The following B3GALT1 variants were observed in gnomAD, a reference collection of about 807,000 sequenced individuals.
B3GALT1 encodes the protein UDP-Gal:betaGlcNAc beta 1,3-galactosyltransferase, polypeptide 1.
B3GALT1 carries 10 observed loss-of-function variants against 23.2 expected under a neutral mutation model. The ratio of observed to expected loss-of-function variants is 0.43; its 90% CI spans 0.27 to 0.73. B3GALT1 has a LOEUF of 0.73. Ranked by LOEUF, B3GALT1 falls within the 30% of genes least tolerant of loss-of-function variation. The probability of loss-of-function intolerance (pLI) is 0.21; values close to 1 mark genes in which losing one functional copy is unlikely to be tolerated. For synonymous variants in B3GALT1, 156 were observed against 141.5 expected (o/e 1.10, Z -0.73); for missense variants, 299 against 405.4 (o/e 0.74, Z 2.25).
Position 167,373,885 on chromosome 2 carries a change from G to T in B3GALT1, c.-511+80551G>T, listed in dbSNP as rs544950671. On this transcript the variant is annotated intron_variant, in intron 1 of 4. Transcript: ENST00000392690. ...TTAACTTTTTCTTATAGATTCAGGGGGTACATGTGTAGGTTTCTTACCTGG... is the reference window on the plus strand; with the variant it reads ...TTAACTTTTTCTTATAGATTCAGGGTGTACATGTGTAGGTTTCTTACCTGG... Among the ~76,000 whole-genome samples the T allele has an allele frequency of 2.4e-4, 36 of 152,130 alleles. No individual in the cohort carries two copies. In the South Asian group the frequency reaches 2.7e-3, roughly 11 times the overall value.
rs567260076 is a variant in B3GALT1, at chr2:167,643,208, T to C, written c.-409-3701T>C. ...TATACATTAAATCTGTGTTTGAGTT[T>C]ACCTACATTAAGAATGAGACATTCA... On this transcript the variant is annotated intron_variant, in intron 2 of 4. Transcript: ENST00000392690. Among the ~76,000 whole-genome samples the C allele has an allele frequency of 4.6e-5, 7 of 152,344 alleles. No individual in the cohort carries two copies. In the South Asian group the frequency reaches 1.5e-3, roughly 32 times the overall value.
At chr2:167,817,970 G>A (rs836718) in intron 3 of B3GALT1, among the ~76,000 whole-genome samples, 40,409 of 151,964 alleles carry the variant, frequency 0.27, 5,848 homozygotes, top group East Asian at 0.56. Flanking sequence ...GGGAAGGTGC[G>A]CATGCCTAAA....
intron 3 of B3GALT1, among the ~76,000 whole-genome samples, chr2:167,806,102 A>G (rs1431158286): frequency 1.3e-5 from 2 of 152,178 alleles, no homozygotes. Flanking sequence ...TGTGAATGAA[A>G]GTTCACTCAT....
chr2:167,828,931 GTCA>G lies in B3GALT1; in HGVS notation c.-230+10143_-230+10145del, dbSNP rs1689285430. 2.6e-5 allele frequency among the ~76,000 whole-genome samples: 4 copies of G among 152,300 alleles called. No individual in the cohort carries two copies. The South Asian group carries it at 8.3e-4, about 32-fold the overall frequency. ...ACTCAAATTTCAGTACTTGGTGACT[GTCA>G]TCATAAGTTGTCATGCTGTCCCTCA... is the stretch of plus-strand genomic sequence containing the variant. On this transcript the variant is annotated intron_variant, in intron 4 of 4. Transcript: ENST00000392690.
intron 3 of B3GALT1, among the ~76,000 whole-genome samples, chr2:167,649,538 T>C (rs545302638): frequency 6.6e-6 from 1 of 152,258 alleles, no homozygotes; most frequent in South Asian, 2.1e-4. Context: ...TTCATATAAA[T>C]TGAATTATAC....
chr2:167,534,379 CT>C (rs879760649), intron 2 of B3GALT1, among the ~76,000 whole-genome samples: 9 of 151,820 alleles, frequency 5.9e-5, no homozygotes, highest in Admixed American at 1.3e-4. Flanking sequence ...TCAATTAGTG[CT>C]TTTTTTAGGG....
At chr2:167,703,929 C>G (rs1048128361) in intron 3 of B3GALT1, among the ~76,000 whole-genome samples, 7 of 152,078 alleles carry the variant, frequency 4.6e-5, no homozygotes, top group African/African-American at 9.7e-5. Flanking sequence ...CACCTGTAAT[C>G]CCAGCACTTT....
intron 2 of B3GALT1, among the ~76,000 whole-genome samples, chr2:167,579,432 C>CTTTTTTTATTTTTTTTTTTTTTTTTT (rs1684443500): frequency 9.2e-6 from 1 of 109,050 alleles, no homozygotes; most frequent in East Asian, 3.8e-4. Context: ...TTTTTTTTGT[C>CTTTTTTTATTTTTTTTTTTTTTTTTT]TTTTTTTTTT....
intron 1 of B3GALT1, among the ~76,000 whole-genome samples, chr2:167,473,802 T>C (rs1699451230): frequency 6.6e-6 from 1 of 152,242 alleles, no homozygotes; most frequent in African/African-American, 2.4e-5. Flanking sequence ...GAGAGAAAGG[T>C]ACAGACTTTA....
At chr2:167,745,590 C>T (rs796329641) in intron 3 of B3GALT1, among the ~76,000 whole-genome samples, 1 of 152,082 alleles carries the variant, frequency 6.6e-6, no homozygotes, top group Non-Finnish European at 1.5e-5. Context: ...ATTTTTTTCT[C>T]AGCAATTTGA....
intron 2 of B3GALT1, among the ~76,000 whole-genome samples, chr2:167,508,340 G>A (rs1699954037): frequency 6.7e-6 from 1 of 148,774 alleles, no homozygotes; most frequent in Middle Eastern, 3.4e-3. Flanking sequence ...CTCACTGCAA[G>A]CTCTGCCTCC....
chr2:167,721,489 A>G (rs562276566), intron 3 of B3GALT1, among the ~76,000 whole-genome samples: 1 of 152,150 alleles, frequency 6.6e-6, no homozygotes, highest in South Asian at 2.1e-4. Context: ...TGCCAGATGT[A>G]TCTTAAGAGA....
intron 2 of B3GALT1, among the ~76,000 whole-genome samples, chr2:167,602,010 T>C (rs1245767258): frequency 2.6e-5 from 4 of 152,204 alleles, no homozygotes; most frequent in East Asian, 1.9e-4. Flanking sequence ...AGAACACTAC[T>C]TACAAACAGA....
intron 1 of B3GALT1, among the ~76,000 whole-genome samples, chr2:167,447,580 C>G (rs1456014437): frequency 6.6e-6 from 1 of 152,160 alleles, no homozygotes; most frequent in Non-Finnish European, 1.5e-5. Flanking sequence ...CCTCCCCCAG[C>G]CTCTCTGCCC....
intron 1 of B3GALT1, among the ~76,000 whole-genome samples, chr2:167,485,503 C>G (rs1392845593): frequency 6.6e-6 from 1 of 152,072 alleles, no homozygotes; most frequent in Non-Finnish European, 1.5e-5. Context: ...ATTGAGTGTC[C>G]AGGCTACATA....
intron 4 of B3GALT1, among the ~76,000 whole-genome samples, chr2:167,848,391 C>T (rs530329558): frequency 2.6e-5 from 4 of 152,180 alleles, no homozygotes; most frequent in Admixed American, 6.5e-5. Context: ...AAAGATAATC[C>T]GCCATGATCA....
At chr2:167,308,612 G>GT (rs200904895) in intron 1 of B3GALT1, among the ~76,000 whole-genome samples, 1,784 of 151,828 alleles carry the variant, frequency 0.012, 24 homozygotes, top group Admixed American at 0.034. Flanking sequence ...ACTATCTAAT[G>GT]TTTTTTTTGA....
At chr2:167,585,184 C>G (rs1170279010) in intron 2 of B3GALT1, among the ~76,000 whole-genome samples, 2 of 152,168 alleles carry the variant, frequency 1.3e-5, no homozygotes, top group African/African-American at 4.8e-5. Context: ...AGGAGAAAGA[C>G]CGAATGAATT....
At chr2:167,753,849 T>G (rs960233315) in intron 3 of B3GALT1, among the ~76,000 whole-genome samples, 4 of 152,166 alleles carry the variant, frequency 2.6e-5, no homozygotes, top group Admixed American at 2.0e-4. Flanking sequence ...TCACTTAGCC[T>G]CTCCACTCAA....
Sources: allele counts gnomAD v4.1 joint callset (sites outside exome capture counted in the v4.1 genomes callset), GRCh38; gene constraint gnomAD v4.1.1; transcripts MANE v1.5; gene names NCBI Gene and HGNC (gene_info 2026-07-23, HGNC 2026-07-21).